Variants in ATRNL1 observed in about 807,000 individuals in gnomAD.
The protein encoded by ATRNL1 is attractin-like protein 1.
In ATRNL1, 95 loss-of-function variants were observed where a neutral mutation model predicts 182.7. That is an observed-to-expected ratio of 0.52 (90% CI 0.44 to 0.62). The LOEUF (loss-of-function observed/expected upper bound fraction) is 0.62, where lower values mean the gene tolerates loss of function less well. Ranked by LOEUF, ATRNL1 falls within the 20% of genes least tolerant of loss-of-function variation. The pLI is 0.00. For missense variants in ATRNL1, 1,471 were observed against 1,679.5 expected (o/e 0.88, Z 2.17); for synonymous variants, 576 against 568.3 (o/e 1.01, Z -0.19).
intron 19 of ATRNL1, among the ~76,000 whole-genome samples, chr10:115,388,585 G>C (rs1554953271): frequency 6.6e-6 from 1 of 151,740 alleles, no homozygotes; most frequent in Non-Finnish European, 1.5e-5. Context: ...AGACAAAATA[G>C]ATAAGTTAAG....
At chr10:115,311,104 A>G (rs1168724227) in intron 17 of ATRNL1, among the ~76,000 whole-genome samples, 1 of 150,696 alleles carries the variant, frequency 6.6e-6, no homozygotes, top group Non-Finnish European at 1.5e-5. Context: ...ATTTTCATGT[A>G]TTTACATAGT....
Position 115,332,699 on chromosome 10 carries a change from C to T in ATRNL1, c.3038-1583C>T, listed in dbSNP as rs370020380. On this transcript the variant is annotated intron_variant, in intron 18 of 28. Coordinates refer to ENST00000355044, the MANE Select transcript of ATRNL1 (RefSeq NM_207303.4). ...TTTCTGTAAAGTATTTGGTTTTACT[C>T]TTTTGTTTGTCTGTTTCTTCACATG... Among the ~76,000 whole-genome samples, 29 of 152,232 alleles carry T rather than the reference C, an allele frequency of 1.9e-4. No homozygotes were observed. The East Asian group carries it at 4.1e-3, about 21-fold the overall frequency.
chr10:115,625,370 A>G (rs1046747797), intron 26 of ATRNL1, among the ~76,000 whole-genome samples: 2 of 152,212 alleles, frequency 1.3e-5, no homozygotes, highest in Non-Finnish European at 2.9e-5. Flanking sequence ...ATTTTCAAAA[A>G]TACTAAGAAG....
At chr10:115,485,479 T>C (rs186785242) in intron 24 of ATRNL1, among the ~76,000 whole-genome samples, 21 of 152,136 alleles carry the variant, frequency 1.4e-4, no homozygotes, top group African/African-American at 5.1e-4. Context: ...TTGTCATTTC[T>C]GTGGTGCAAA....
chr10:115,713,705 C>CATCTATCTATCT (rs1555055341), intron 26 of ATRNL1, among the ~76,000 whole-genome samples: 11 of 101,224 alleles, frequency 1.1e-4, no homozygotes, highest in African/African-American at 3.4e-4. Flanking sequence ...ATCTATCTAT[C>CATCTATCTATCT]ATCTATCTAT....
intron 5 of ATRNL1, among the ~76,000 whole-genome samples, chr10:115,154,792 C>A (rs576818113): frequency 6.6e-6 from 1 of 152,114 alleles, no homozygotes; most frequent in African/African-American, 2.4e-5. Context: ...GTTGAAGTCC[C>A]CAACTGTTAT....
intron 15 of ATRNL1, among the ~76,000 whole-genome samples, chr10:115,297,370 G>A (rs568643158): frequency 5.9e-5 from 9 of 152,146 alleles, no homozygotes; most frequent in Non-Finnish European, 1.2e-4. Flanking sequence ...GTCCGGGCGT[G>A]GTGGCTGACG....
intron 28 of ATRNL1, among the ~76,000 whole-genome samples, chr10:115,915,050 G>A (rs1589687721): frequency 1.3e-5 from 2 of 152,272 alleles, no homozygotes; most frequent in African/African-American, 4.8e-5. Flanking sequence ...TATTCTTGTG[G>A]CATTACGAAT....
chr10:115,730,176 G>C (rs1320514603), intron 27 of ATRNL1, among the ~76,000 whole-genome samples: 1 of 136,518 alleles, frequency 7.3e-6, no homozygotes, highest in Non-Finnish European at 1.5e-5. Flanking sequence ...AGAATTGCTT[G>C]AACCCAGGAG....
chr10:115,933,995 C>T (rs574182233), intron 28 of ATRNL1, among the ~76,000 whole-genome samples: 13 of 152,220 alleles, frequency 8.5e-5, no homozygotes, highest in East Asian at 1.9e-4. Flanking sequence ...AGGTGTTGCC[C>T]GGCAGCTGTA....
chr10:115,842,735 G>A (rs1555097529), intron 27 of ATRNL1, among the ~76,000 whole-genome samples: 24 of 152,036 alleles, frequency 1.6e-4, no homozygotes, highest in Non-Finnish European at 7.4e-5. Flanking sequence ...GTATGTTTTA[G>A]TAATATTGTA....
In ATRNL1 at chr10:115,783,736, C is replaced by T. The variant is rs143311660; in HGVS notation, c.3903+56381C>T. ...AAAGAATTATAAAGTGATTCGGGGC[C>T]GGGCGCGGTGGCTCACACCTGTAAT... On this transcript the variant is annotated intron_variant, in intron 27 of 28. Coordinates refer to ENST00000355044, the MANE Select transcript of ATRNL1 (RefSeq NM_207303.4). Among the ~76,000 whole-genome samples the T allele has an allele frequency of 3.5e-3, 540 of 152,190 alleles. 8 individuals are homozygous for T. Among genetic ancestry groups the T allele is most frequent in the African/African-American group, 9.6e-3 (398 of 41,528 alleles).
In ATRNL1 at chr10:115,728,002, G is replaced by A. The variant is rs113259350; in HGVS notation, c.3903+647G>A. 2.2e-4 allele frequency among the ~76,000 whole-genome samples: 34 copies of A among 151,172 alleles called. No homozygotes were observed. In the South Asian group the frequency reaches 2.9e-3, roughly 13 times the overall value. On this transcript the variant is annotated intron_variant, in intron 27 of 28. Coordinates refer to ENST00000355044, the MANE Select transcript of ATRNL1 (RefSeq NM_207303.4). ...CTAAAGATGCAAAATTCGGCCGGGC[G>A]CGGTGGCTCACACCTGCAATCCCAG...
intron 25 of ATRNL1, among the ~76,000 whole-genome samples, chr10:115,524,933 T>G (rs1222917818): frequency 2.0e-5 from 3 of 152,224 alleles, no homozygotes; most frequent in African/African-American, 7.2e-5. Flanking sequence ...AATGTCTGCT[T>G]ATTCCTCCTG....
intron 24 of ATRNL1, among the ~76,000 whole-genome samples, chr10:115,503,085 T>G (rs1849926294): frequency 1.3e-5 from 2 of 152,264 alleles, no homozygotes; most frequent in South Asian, 4.1e-4. Flanking sequence ...CAGGACTTGG[T>G]GTCCTTTTTA....
At chr10:115,237,492 A>G (rs1267601075) in intron 9 of ATRNL1, among the ~76,000 whole-genome samples, 1 of 152,170 alleles carries the variant, frequency 6.6e-6, no homozygotes, top group Non-Finnish European at 1.5e-5. Context: ...GTAATGTGGG[A>G]TATCTTTTAA....
chr10:115,246,710 G>A (rs1266305823), intron 10 of ATRNL1, among the ~76,000 whole-genome samples: 2 of 120,944 alleles, frequency 1.7e-5, no homozygotes, highest in East Asian at 2.1e-4. Flanking sequence ...ACAGGCGCCC[G>A]CCACCGCGCC....
At chr10:115,649,614 T>A (rs1004453785) in intron 26 of ATRNL1, among the ~76,000 whole-genome samples, 2 of 152,152 alleles carry the variant, frequency 1.3e-5, no homozygotes, top group African/African-American at 4.8e-5. Context: ...CCAGATGGAA[T>A]TCAAATGGGG....
chr10:115,230,301 T>C (rs921407388), intron 9 of ATRNL1, among the ~76,000 whole-genome samples: 1 of 152,100 alleles, frequency 6.6e-6, no homozygotes, highest in Non-Finnish European at 1.5e-5. Context: ...GAGTTTCAGA[T>C]TGTTGCATTT....
Sources: allele counts gnomAD v4.1 joint callset (sites outside exome capture counted in the v4.1 genomes callset), GRCh38; gene constraint gnomAD v4.1.1; transcripts MANE v1.5; gene names NCBI Gene and HGNC (gene_info 2026-07-23, HGNC 2026-07-21).